The following SHROOM3 variants were observed in gnomAD, a reference collection of about 807,000 sequenced individuals.
The protein encoded by SHROOM3 is shroom family member 3.
Under a neutral mutation model 138.6 loss-of-function variants are expected in SHROOM3, and 47 were observed. That is an observed-to-expected ratio of 0.34 (90% CI 0.27 to 0.43). The LOEUF is 0.43. Among genes scored for constraint, SHROOM3 ranks in the 20% least tolerant of loss-of-function variants. The probability of loss-of-function intolerance (pLI) is 1.00; values close to 1 mark genes in which losing one functional copy is unlikely to be tolerated. For missense variants in SHROOM3, 2,491 were observed against 2,596.5 expected, an observed-to-expected ratio of 0.96 and a Z score of 0.88; for synonymous variants, 1,062 against 1,063.3, an observed-to-expected ratio of 1.00 and a Z score of 0.02.
intron 1 of SHROOM3, among the ~76,000 whole-genome samples, chr4:76,523,672 C>A (rs1732616622): frequency 6.6e-6 from 1 of 152,206 alleles, no homozygotes; most frequent in South Asian, 2.1e-4. Context: ...ATGATGATAG[C>A]ACTGCAGGGC....
At chr4:76,754,175 AGT>A in intron 6 of SHROOM3, 134 bp from the exon 7 acceptor site, 1 of 1,103,392 alleles carries the variant, frequency 9.1e-7, no homozygotes, top group Non-Finnish European at 1.4e-6. Context: ...CAGGGAAGAC[AGT>A]GTGCAGTTTC....
At position 76,739,299 on chromosome 4, in the gene SHROOM3, C is replaced by A; in HGVS notation, c.1126C>A (p.Leu376Ile). 2 of 1,613,960 alleles carry A rather than the reference C, an allele frequency of 1.2e-6. No individual in the cohort carries two copies. Among genetic ancestry groups the A allele is most frequent in the Non-Finnish European group, 1.7e-6 (2 of 1,179,976 alleles). The change falls in exon 5 of 11, where the codon CTT becomes ATT. Residue 376 changes from leucine to isoleucine, a missense_variant. Physicochemically the swap from Leu to Ile is conservative, Grantham distance 5. This residue lies in a region of SHROOM3 where 1,733 missense variants were observed against 1,661.6 expected (regional missense o/e 1.04). Coordinates refer to ENST00000296043, the MANE Select transcript of SHROOM3 (RefSeq NM_020859.4). ...TTCCTTGGAGACTGCCACGGACAACCTTCCTCCTAAGGTGGGTGCACCCCT... is the reference window on the plus strand; with the variant it reads ...TTCCTTGGAGACTGCCACGGACAACATTCCTCCTAAGGTGGGTGCACCCCT... ...PSSLETATDN[L>I]PPKVGAPLPP...
intron 5 of SHROOM3, among the ~76,000 whole-genome samples, chr4:76,745,914 G>A (rs1309197921): frequency 6.6e-6 from 1 of 152,242 alleles, no homozygotes; most frequent in Non-Finnish European, 1.5e-5. Flanking sequence ...TCACGAGGCA[G>A]AGGTTGCAGT....
In SHROOM3 at chr4:76,502,435, G is replaced by C. The variant is rs76509940; in HGVS notation, c.169-53174G>C. Reference sequence around the variant, plus strand: ...CTGTGCTTGTGACTGGCATCTGAAGGGGGGTGGGGGCAGTCTTGTGGGACT... The same window carrying C: ...CTGTGCTTGTGACTGGCATCTGAAGCGGGGTGGGGGCAGTCTTGTGGGACT... On this transcript the variant is annotated intron_variant, in intron 1 of 10. Transcript: ENST00000296043. Among the ~76,000 whole-genome samples, 804 of 152,280 alleles carry C rather than the reference G, an allele frequency of 5.3e-3. 8 individuals carry two copies. Among genetic ancestry groups the C allele is most frequent in the African/African-American group, 0.019 (774 of 41,544 alleles).
intron 1 of SHROOM3, among the ~76,000 whole-genome samples, chr4:76,550,426 T>C (rs72659776): frequency 0.042 from 6,436 of 152,074 alleles, 196 homozygotes; most frequent in Non-Finnish European, 0.066. Context: ...ACAGAAACCA[T>C]TAAGAGGAGA....
chr4:76,759,076 G>C (rs1455175281), intron 8 of SHROOM3, among the ~76,000 whole-genome samples: 1 of 152,186 alleles, frequency 6.6e-6, no homozygotes, highest in East Asian at 1.9e-4. Context: ...GTGTGTTCAA[G>C]CAACAGTGCA....
chr4:76,586,259 G>C (rs1448170213), intron 2 of SHROOM3: 4 of 985,506 alleles, frequency 4.1e-6, no homozygotes. Flanking sequence ...GCGGAGGTGC[G>C]TCTGTGGTGT....
At position 76,782,324 on chromosome 4, in the gene SHROOM3, A is replaced by G. The variant is rs1396096104; in HGVS notation, c.*3147A>G. ...CTAGAAGATTAACAAGTTTGGGTCC[A>G]CCCCTAAGAATCAGTGGCTGTCTTT... On this transcript the variant is annotated 3_prime_UTR_variant, in exon 11 of 11. Transcript: ENST00000296043. 1 of 152,146 alleles carries G rather than the reference A, an allele frequency of 6.6e-6. No homozygotes were observed. Among genetic ancestry groups the G allele is most frequent in the Non-Finnish European group, 1.5e-5 (1 of 68,022 alleles). The allele number at this position is 152,146 out of a possible 1,614,324, so 9.4% of individuals were successfully genotyped here.
chr4:76,491,590 C>T (rs1465361459), intron 1 of SHROOM3, among the ~76,000 whole-genome samples: 1 of 152,076 alleles, frequency 6.6e-6, no homozygotes, highest in Non-Finnish European at 1.5e-5. Flanking sequence ...GCAAGGATAC[C>T]ATGATGTCAT....
chr4:76,477,215 C>CT (rs1015537421), intron 1 of SHROOM3, among the ~76,000 whole-genome samples: 4 of 152,052 alleles, frequency 2.6e-5, no homozygotes, highest in African/African-American at 9.7e-5. Context: ...GATCCACCCC[C>CT]CACTCGGCCT....
intron 2 of SHROOM3, among the ~76,000 whole-genome samples, chr4:76,646,225 A>AATAAATAAATATATATATATATAT (rs61374645): frequency 2.6e-4 from 25 of 96,224 alleles, no homozygotes; most frequent in Admixed American, 4.3e-4. Context: ...ATAATAAATA[A>AATAAATAAATATATATATATATAT]ATATATATAT....
chr4:76,541,965 C>T (rs911111170), intron 1 of SHROOM3, among the ~76,000 whole-genome samples: 1 of 152,086 alleles, frequency 6.6e-6, no homozygotes, highest in African/African-American at 2.4e-5. Context: ...GCTCATTCTC[C>T]CTCCATAAGG....
chr4:76,709,660 C>CA (rs1412963967), intron 2 of SHROOM3: 3 of 177,072 alleles, frequency 1.7e-5, no homozygotes, highest in African/African-American at 7.2e-5. Flanking sequence ...CAAGAGTTGG[C>CA]ATGTGCTTCT....
intron 2 of SHROOM3, among the ~76,000 whole-genome samples, chr4:76,564,634 G>T (rs146872354): frequency 3.9e-5 from 6 of 152,166 alleles, no homozygotes; most frequent in African/African-American, 1.4e-4. Flanking sequence ...TTTTTCCCCC[G>T]TAGCACATAA....
intron 2 of SHROOM3, among the ~76,000 whole-genome samples, chr4:76,590,053 C>T (rs1186115336): frequency 6.6e-6 from 1 of 152,162 alleles, no homozygotes; most frequent in Non-Finnish European, 1.5e-5. Flanking sequence ...AAACCTTTCC[C>T]TGAGCAGTTC....
At chr4:76,595,634 C>CTA (rs1734365400) in intron 2 of SHROOM3, among the ~76,000 whole-genome samples, 1 of 152,130 alleles carries the variant, frequency 6.6e-6, no homozygotes, top group African/African-American at 2.4e-5. Context: ...GGCTTATGTC[C>CTA]TATATCCTTG....
chr4:76,712,376 A>G (rs1367307631), intron 3 of SHROOM3, among the ~76,000 whole-genome samples: 1 of 152,210 alleles, frequency 6.6e-6, no homozygotes, highest in Non-Finnish European at 1.5e-5. Context: ...GAAGGCAGGA[A>G]TCACAGAAAC....
intron 1 of SHROOM3, among the ~76,000 whole-genome samples, chr4:76,535,566 T>G (rs1383074958): frequency 6.6e-6 from 1 of 152,214 alleles, no homozygotes; most frequent in Non-Finnish European, 1.5e-5. Context: ...CAACATTTCA[T>G]CCCAAATTTC....
At chr4:76,550,725 G>A (rs550912355) in intron 1 of SHROOM3, among the ~76,000 whole-genome samples, 92 of 152,260 alleles carry the variant, frequency 6.0e-4, no homozygotes, top group African/African-American at 2.1e-3. Flanking sequence ...ATGGCCAGGT[G>A]CAGTGGCTTT....
Sources: allele counts gnomAD v4.1 joint callset (sites outside exome capture counted in the v4.1 genomes callset), GRCh38; gene constraint gnomAD v4.1.1; regional missense constraint gnomAD v4.1.1; transcripts MANE v1.5; gene names NCBI Gene and HGNC (gene_info 2026-07-23, HGNC 2026-07-21).